The following MAST2 variants were observed in gnomAD, a reference collection of about 807,000 sequenced individuals.
MAST2 encodes microtubule associated serine/threonine kinase 2, also known as microtubule-associated serine/threonine-protein kinase 2.
MAST2 carries 70 observed loss-of-function variants against 147.4 expected under a neutral mutation model. The ratio of observed to expected loss-of-function variants is 0.47; its 90% CI spans 0.39 to 0.58. The LOEUF (loss-of-function observed/expected upper bound fraction) is 0.58, where lower values mean the gene tolerates loss of function less well. Ranked by LOEUF, MAST2 falls within the 20% of genes least tolerant of loss-of-function variation. The probability of loss-of-function intolerance (pLI) is 0.00; values close to 1 mark genes in which losing one functional copy is unlikely to be tolerated. For synonymous variants in MAST2, 869 were observed against 896.8 expected, an observed-to-expected ratio of 0.97 and a Z score of 0.55; for missense variants, 2,080 against 2,302.3, an observed-to-expected ratio of 0.90 and a Z score of 1.98.
chr1:45,984,525 T>G (rs923634478), intron 5 of MAST2, among the ~76,000 whole-genome samples: 1 of 151,756 alleles, frequency 6.6e-6, no homozygotes, highest in Admixed American at 6.6e-5. Flanking sequence ...CCCAGGCTGG[T>G]CTTGAACTCT....
At chr1:45,976,683 G>A (rs1249219713) in intron 5 of MAST2, among the ~76,000 whole-genome samples, 3 of 152,186 alleles carry the variant, frequency 2.0e-5, no homozygotes, top group East Asian at 3.8e-4. Context: ...TTAACAGAGG[G>A]CAGTGCTGGC....
rs142583691 is a variant in MAST2, at chr1:45,931,838, A to G, written c.501-27548A>G. ...AGAGTAGCTGGAAATACAGGCATAC[A>G]CTACCATGCCTGGCTAAGTTTTAAA... On this transcript the variant is annotated intron_variant, in intron 4 of 28. Coordinates refer to ENST00000361297, the MANE Select transcript of MAST2 (RefSeq NM_015112.3). 3.7e-3 allele frequency among the ~76,000 whole-genome samples: 561 copies of G among 152,106 alleles called. 2 individuals are homozygous for G. Among genetic ancestry groups the G allele is most frequent in the Non-Finnish European group, 6.1e-3 (415 of 67,972 alleles).
chr1:45,976,445 A>G (rs1644162432), intron 5 of MAST2, among the ~76,000 whole-genome samples: 1 of 152,182 alleles, frequency 6.6e-6, no homozygotes, highest in African/African-American at 2.4e-5. Context: ...AAAAATACAA[A>G]AATTATCCAG....
intron 3 of MAST2, among the ~76,000 whole-genome samples, chr1:45,845,621 C>T (rs1312709160): frequency 1.3e-5 from 2 of 152,140 alleles, no homozygotes; most frequent in Non-Finnish European, 2.9e-5. Flanking sequence ...TTTAATTTAT[C>T]TCTTAGAAGA....
chr1:45,965,058 G>T (rs1186708196), intron 5 of MAST2, among the ~76,000 whole-genome samples: 1 of 152,124 alleles, frequency 6.6e-6, no homozygotes, highest in Non-Finnish European at 1.5e-5. Context: ...CTGAGTTCTA[G>T]TTTGATTGCA....
chr1:45,857,850 G>GTTTTTT (rs35371770), intron 3 of MAST2, among the ~76,000 whole-genome samples: 43 of 66,528 alleles, frequency 6.5e-4, no homozygotes, highest in Middle Eastern at 0.024. Flanking sequence ...AACATGCGGT[G>GTTTTTT]TTTTTTTTTT....
intron 24 of MAST2, 129 bp from the exon 25 acceptor site, chr1:46,032,049 G>A: frequency 1.4e-6 from 1 of 719,888 alleles, no homozygotes; most frequent in South Asian, 1.7e-5. Context: ...CACAGGTCAG[G>A]GGCTGTGGGG....
chr1:45,829,188 A>G (rs890417258), intron 2 of MAST2, among the ~76,000 whole-genome samples: 4 of 152,156 alleles, frequency 2.6e-5, no homozygotes, highest in Non-Finnish European at 4.4e-5. Flanking sequence ...GGAGGCTGGC[A>G]TGTGGTGAAT....
chr1:46,014,197 T>G (rs1425920046), intron 10 of MAST2, among the ~76,000 whole-genome samples: 2 of 152,102 alleles, frequency 1.3e-5, no homozygotes, highest in East Asian at 3.9e-4. Flanking sequence ...TATTATACTT[T>G]AAGTTTTAGG....
In MAST2 at chr1:45,803,914, C is replaced by A; in HGVS notation, c.19C>A (p.Arg7Ser). Reference protein sequence around the residue: MKRSRCRDRPQPPPPDR... With the variant: MKRSRCSDRPQPPPPDR... ...TGCAGATATGAAGCGGAGCCGCTGC[C>A]GCGACCGACCGCAGCCGCCGCCGCC... The change falls in exon 1 of 29, where the codon CGC (arginine) becomes AGC (serine). Residue 7 changes from arginine (R) to serine (S), a missense_variant. By Grantham distance (110) the Arg-to-Ser change is moderately radical. Transcript: ENST00000361297. 1.5e-6 allele frequency: 1 copy of A among 674,450 alleles called. No homozygotes were observed. The highest frequency in any genetic ancestry group is 2.2e-6 in the Non-Finnish European group (1 of 455,086). The allele number at this position is 674,450 out of a possible 1,614,324, so 41.8% of individuals were successfully genotyped here. A position where few individuals can be genotyped will look rare whatever the true frequency, so the allele number is the denominator to read the frequency against.
At chr1:45,981,365 C>T (rs1055615464) in intron 5 of MAST2, among the ~76,000 whole-genome samples, 1 of 148,188 alleles carries the variant, frequency 6.7e-6, no homozygotes, top group African/African-American at 2.4e-5. Context: ...AGCCACTGTA[C>T]CTGGCTGAGG....
chr1:46,010,523 C>T (rs1422826932), intron 9 of MAST2, among the ~76,000 whole-genome samples: 2 of 152,086 alleles, frequency 1.3e-5, no homozygotes, highest in Admixed American at 1.3e-4. Context: ...TGAAAGAGGG[C>T]CTTGAATATA....
rs1361977555 is a variant in MAST2 at position 45,803,728 on chromosome 1, C to A, written c.-168C>A. Reference sequence around the variant, plus strand: ...AGGAGCGCAGAGGAGGTCGCGGCGCCGGAGGCCCCAGAAGGCTCGAAGGCG... The same window carrying A: ...AGGAGCGCAGAGGAGGTCGCGGCGCAGGAGGCCCCAGAAGGCTCGAAGGCG... On this transcript the variant is annotated 5_prime_UTR_variant, in exon 1 of 29. Transcript: ENST00000361297. 2.9e-6 allele frequency: 1 copy of A among 343,250 alleles called. No individual in the cohort carries two copies. The highest frequency in any genetic ancestry group is 4.5e-5 in the East Asian group (1 of 22,086). 21.3% of individuals were successfully genotyped at this position (343,250 alleles called of 1,614,324 possible).
intron 3 of MAST2, chr1:45,847,290 T>C (rs1447531576): frequency 2.4e-5 from 12 of 507,412 alleles, no homozygotes; most frequent in Non-Finnish European, 4.0e-5. Flanking sequence ...GGAACAGTGC[T>C]GCCTGTCCTG....
chr1:46,025,824 A>G lies in MAST2; in HGVS notation c.1919+9A>G. On this transcript the variant is annotated intron_variant, in intron 16 of 28. Coordinates refer to ENST00000361297, the MANE Select transcript of MAST2 (RefSeq NM_015112.3). ...GACCTCAAGCCTGACAAGTATGTCC[A>G]CAGTCTGTGTCCCTTGTCCAGGGTC... The G allele has an allele frequency of 6.2e-7, 1 of 1,614,210 alleles. No homozygotes were observed. The highest frequency in any genetic ancestry group is 2.2e-5 in the East Asian group (1 of 44,886).
intron 4 of MAST2, among the ~76,000 whole-genome samples, chr1:45,882,666 G>T (rs1250858688): frequency 6.6e-6 from 1 of 152,134 alleles, no homozygotes; most frequent in Non-Finnish European, 1.5e-5. Flanking sequence ...ATTCATCACA[G>T]TCTTATACTT....
At chr1:45,951,049 C>A (rs1015360905) in intron 4 of MAST2, among the ~76,000 whole-genome samples, 5 of 151,642 alleles carry the variant, frequency 3.3e-5, no homozygotes, top group African/African-American at 1.2e-4. Context: ...GAAGTCTCAT[C>A]TCTACTAAAT....
chr1:45,940,533 TC>T (rs1327434371), intron 4 of MAST2, among the ~76,000 whole-genome samples: 1 of 152,168 alleles, frequency 6.6e-6, no homozygotes, highest in Admixed American at 6.5e-5. Flanking sequence ...CAAAATGTTT[TC>T]TTTGGGAAAA....
chr1:46,017,455 C>T (rs973242646), intron 10 of MAST2, among the ~76,000 whole-genome samples: 1 of 152,122 alleles, frequency 6.6e-6, no homozygotes, highest in East Asian at 1.9e-4. Context: ...CCAGAATCTA[C>T]AATGAACTCA....
Sources: gnomAD v4.1 joint callset for allele counts (sites outside exome capture counted in the v4.1 genomes callset) on GRCh38, gnomAD v4.1.1 for gene constraint, MANE v1.5 for transcripts, NCBI Gene and HGNC (gene_info 2026-07-23, HGNC 2026-07-21) for gene names.